FARS2: variants seen among roughly 807,000 people sequenced by gnomAD.
FARS2 encodes the protein phenylalanine--tRNA ligase, mitochondrial.
FARS2 carries 40 observed loss-of-function variants against 46.4 expected under a neutral mutation model. That is an observed-to-expected ratio of 0.86 (90% CI 0.67 to 1.12). The LOEUF is 1.12. Among genes scored for constraint, FARS2 ranks in the 50% most tolerant of loss-of-function variants. FARS2 has a pLI of 0.00. For missense variants in FARS2, 513 were observed against 567.9 expected (o/e 0.90, Z 0.98); for synonymous variants, 234 against 214.9 (o/e 1.09, Z -0.78).
At chr6:5,649,906 C>T (rs1340593238) in intron 6 of FARS2, among the ~76,000 whole-genome samples, 1 of 152,192 alleles carries the variant, frequency 6.6e-6, no homozygotes, top group Admixed American at 6.5e-5. Flanking sequence ...ATATCCTTCT[C>T]ATTGCCTTTT....
intron 4 of FARS2, among the ~76,000 whole-genome samples, chr6:5,523,619 A>T (rs1456915142): frequency 6.6e-6 from 1 of 152,174 alleles, no homozygotes; most frequent in Non-Finnish European, 1.5e-5. Context: ...GACCTTATGC[A>T]TAGGGCACTT....
At chr6:5,583,360 T>G (rs944425670) in intron 5 of FARS2, among the ~76,000 whole-genome samples, 2 of 152,180 alleles carry the variant, frequency 1.3e-5, no homozygotes, top group African/African-American at 4.8e-5. Context: ...TCTGCAGAAT[T>G]TGTGGAAGAA....
At position 5,523,176 on chromosome 6, in the gene FARS2, C is replaced by T. The variant is rs192378187; in HGVS notation, c.905-22004C>T. On this transcript the variant is annotated intron_variant, in intron 4 of 6. Coordinates refer to ENST00000274680, the MANE Select transcript of FARS2 (RefSeq NM_006567.5). ...TTTCAAGGGATCTTGTAACTTTCCT[C>T]GTCATTTTCATGACCAGTCCAGTCT... Among the ~76,000 whole-genome samples, 320 of 152,312 alleles carry T rather than the reference C, an allele frequency of 2.1e-3. 1 individual carries two copies. Among genetic ancestry groups the T allele is most frequent in the African/African-American group, 7.3e-3 (303 of 41,564 alleles).
chr6:5,388,968 A>G (rs1054283099), intron 2 of FARS2, among the ~76,000 whole-genome samples: 10 of 152,068 alleles, frequency 6.6e-5, no homozygotes, highest in Non-Finnish European at 1.3e-4. Flanking sequence ...CTTGTATTCC[A>G]TGGGCCCCTT....
intron 3 of FARS2, among the ~76,000 whole-genome samples, chr6:5,408,775 G>A (rs187119180): frequency 2.0e-5 from 3 of 152,276 alleles, no homozygotes; most frequent in Admixed American, 6.5e-5. Context: ...AGAGTAATAC[G>A]ATCAAAGAGC....
chr6:5,770,959 A>G (rs1252422393), intron 6 of FARS2, among the ~76,000 whole-genome samples: 2 of 152,178 alleles, frequency 1.3e-5, no homozygotes, highest in African/African-American at 2.4e-5. Flanking sequence ...AACCGGGGAC[A>G]GGCTTAGAAG....
chr6:5,539,373 A>ATTT (rs200878410), intron 4 of FARS2, among the ~76,000 whole-genome samples: 2 of 81,890 alleles, frequency 2.4e-5, no homozygotes, highest in East Asian at 3.3e-4. Flanking sequence ...TGCCCACCTA[A>ATTT]TTTTTTTTGT....
At chr6:5,675,098 C>G in intron 6 of FARS2, among the ~76,000 whole-genome samples, 1 of 152,000 alleles carries the variant, frequency 6.6e-6, no homozygotes, top group Admixed American at 6.5e-5. Flanking sequence ...CAGAGTTTGT[C>G]ACAACATAGG....
At chr6:5,493,785 C>T (rs990596002) in intron 4 of FARS2, among the ~76,000 whole-genome samples, 1 of 152,220 alleles carries the variant, frequency 6.6e-6, no homozygotes, top group Non-Finnish European at 1.5e-5. Context: ...AAACGTTTAA[C>T]AAATTATTTA....
intron 6 of FARS2, among the ~76,000 whole-genome samples, chr6:5,639,736 TA>T (rs2150736707): frequency 6.6e-6 from 1 of 152,356 alleles, no homozygotes; most frequent in South Asian, 2.1e-4. Context: ...AAAAGTGTCC[TA>T]TTGTACTTAC....
At chr6:5,648,820 C>T (rs1179762999) in intron 6 of FARS2, among the ~76,000 whole-genome samples, 1 of 152,178 alleles carries the variant, frequency 6.6e-6, no homozygotes, top group African/African-American at 2.4e-5. Context: ...GTGCCCCTCT[C>T]CCCTCACTGG....
intron 2 of FARS2, among the ~76,000 whole-genome samples, chr6:5,399,127 TTTA>T (rs56236107): frequency 0.25 from 31,578 of 124,878 alleles, 4,364 homozygotes; most frequent in Non-Finnish European, 0.3. Flanking sequence ...TTTATATTAT[TTTA>T]TTATTATTAT....
At chr6:5,500,713 G>A (rs76498191) in intron 4 of FARS2, among the ~76,000 whole-genome samples, 2,171 of 152,188 alleles carry the variant, frequency 0.014, 23 homozygotes, top group Middle Eastern at 0.02. Flanking sequence ...GTAAGCTGTA[G>A]CACCAATTTT....
intron 6 of FARS2, among the ~76,000 whole-genome samples, chr6:5,724,323 G>C (rs2150925532): frequency 1.3e-5 from 2 of 152,338 alleles, no homozygotes; most frequent in African/African-American, 4.8e-5. Context: ...GGAGTAAGCA[G>C]AATGTTTGCA....
chr6:5,596,000 A>T (rs1382384526), intron 5 of FARS2, among the ~76,000 whole-genome samples: 1 of 152,138 alleles, frequency 6.6e-6, no homozygotes, highest in East Asian at 1.9e-4. Context: ...TACCTTACCT[A>T]GTATGGAGTT....
intron 3 of FARS2, among the ~76,000 whole-genome samples, chr6:5,404,943 C>T (rs537752600): frequency 2.8e-4 from 43 of 151,934 alleles, no homozygotes; most frequent in African/African-American, 9.7e-4. Flanking sequence ...GGATTATAGG[C>T]GCCCATCACC....
rs202105881 is a variant in FARS2 at position 5,539,380 on chromosome 6, T to G, written c.905-5800T>G. 1.1e-3 allele frequency among the ~76,000 whole-genome samples: 84 copies of G among 79,830 alleles called. 1 individual carries two copies. The highest frequency in any genetic ancestry group is 5.1e-3 in the African/African-American group (55 of 10,812). The allele number at this position is 79,830 out of a possible 152,430, so 52.4% of individuals were successfully genotyped here. ...CGCCACCATGCCCACCTAATTTTTT[T>G]TGTGTATATATATATATATGTATAT... is the stretch of plus-strand genomic sequence containing the variant. On this transcript the variant is annotated intron_variant, in intron 4 of 6. Coordinates refer to ENST00000274680, the MANE Select transcript of FARS2 (RefSeq NM_006567.5).
In FARS2 at chr6:5,761,817, A is replaced by AT. The variant is rs1433360436; in HGVS notation, c.1218-9474_1218-9473insT. ...TTAAGAGTGGAGGATCTAAAAAAAA[A>AT]AAAAAAAAAAAGAGGCATTTGTATA... On this transcript the variant is annotated intron_variant, in intron 6 of 6. Transcript: ENST00000274680. Among the ~76,000 whole-genome samples, 8 of 152,018 alleles carry AT rather than the reference A, an allele frequency of 5.3e-5. No homozygotes were observed. The East Asian group carries it at 1.5e-3, about 29-fold the overall frequency.
intron 2 of FARS2, among the ~76,000 whole-genome samples, chr6:5,395,255 T>G (rs974168612): frequency 1.3e-5 from 2 of 152,190 alleles, no homozygotes; most frequent in Non-Finnish European, 2.9e-5. Context: ...CTCACCATGT[T>G]GGCCAGGCTG....
Sources: allele counts gnomAD v4.1 joint callset (sites outside exome capture counted in the v4.1 genomes callset), GRCh38; gene constraint gnomAD v4.1.1; transcripts MANE v1.5; gene names NCBI Gene and HGNC (gene_info 2026-07-23, HGNC 2026-07-21).